Variants in KHDRBS1 observed in about 807,000 individuals in gnomAD.
KHDRBS1 encodes KH RNA binding domain containing, signal transduction associated 1, also known as KH domain-containing, RNA-binding, signal transduction-associated protein 1.
A neutral mutation model predicts 48.4 loss-of-function variants in KHDRBS1; 7 were observed. The observed-to-expected ratio is 0.14, with a 90% CI of 0.08 to 0.27. KHDRBS1 has a LOEUF of 0.27. KHDRBS1 is among the 10% of genes least tolerant of loss of function. The probability of loss-of-function intolerance (pLI) is 1.00; values close to 1 mark genes in which losing one functional copy is unlikely to be tolerated. For synonymous variants in KHDRBS1, 241 were observed against 235.8 expected, an observed-to-expected ratio of 1.02 and a Z score of -0.20; for missense variants, 458 against 601.2, an observed-to-expected ratio of 0.76 and a Z score of 2.49.
At chr1:32,034,566 AAAAT>A (rs903587969) in intron 4 of KHDRBS1, among the ~76,000 whole-genome samples, 11 of 152,248 alleles carry the variant, frequency 7.2e-5, no homozygotes, top group East Asian at 1.9e-4. Flanking sequence ...ATCTCCAAAA[AAAAT>A]AAATAAATAA....
At chr1:32,030,481 G>A (rs1372245431) in intron 2 of KHDRBS1, 59 bp downstream of exon 2, 2 of 1,477,702 alleles carry the variant, frequency 1.4e-6, no homozygotes, top group Admixed American at 4.5e-5. Context: ...GAGAGTCATG[G>A]GCTATAATAA....
chr1:32,051,237 G>A (rs1166938742), intron 10 of KHDRBS1, among the ~76,000 whole-genome samples: 1 of 152,182 alleles, frequency 6.6e-6, no homozygotes, highest in Non-Finnish European at 1.5e-5. Context: ...CATTGTCCCG[G>A]CACCATTTGT....
intron 6 of KHDRBS1, chr1:32,038,258 T>G: frequency 2.8e-6 from 2 of 723,544 alleles, no homozygotes; most frequent in Admixed American, 3.0e-5. Context: ...AAAATGTACT[T>G]TAATGTAGTA....
downstream of KHDRBS1, among the ~76,000 whole-genome samples, chr1:32,046,685 T>C (rs1639362208): frequency 6.6e-6 from 1 of 152,182 alleles, no homozygotes; most frequent in Non-Finnish European, 1.5e-5. Flanking sequence ...TTTTCTCTGC[T>C]CTGAGGTGTT....
intron 4 of KHDRBS1, among the ~76,000 whole-genome samples, chr1:32,034,024 C>T (rs1477747526): frequency 1.3e-5 from 2 of 152,098 alleles, no homozygotes; most frequent in African/African-American, 4.8e-5. Flanking sequence ...ACTATTTTTG[C>T]CTTTTAGCAA....
intron 10 of KHDRBS1, among the ~76,000 whole-genome samples, chr1:32,059,181 A>C (rs1018563712): frequency 2.4e-4 from 36 of 151,248 alleles, no homozygotes; most frequent in African/African-American, 7.5e-4. Context: ...AAAAAAAAAA[A>C]AAACAAAACC....
At chr1:32,045,860 T>G (rs984056431), downstream of KHDRBS1, among the ~76,000 whole-genome samples, 1 of 152,190 alleles carries the variant, frequency 6.6e-6, no homozygotes, top group African/African-American at 2.4e-5. Context: ...CAAACTATGT[T>G]GGGTCTCTTT....
intron 3 of KHDRBS1, 27 bp downstream of exon 3, chr1:32,031,667 G>A (rs1028200894): frequency 2.7e-6 from 4 of 1,463,784 alleles, no homozygotes; most frequent in South Asian, 1.2e-5. Context: ...GAGGCAAGAG[G>A]ACATCCTAAT....
intron 5 of KHDRBS1, 139 bp downstream of exon 5, chr1:32,037,182 A>G (rs1297607542): frequency 2.1e-6 from 2 of 936,364 alleles, no homozygotes; most frequent in African/African-American, 1.7e-5. Flanking sequence ...CTACAACCAT[A>G]CTCTCACACC....
chr1:32,023,467 C>T (rs1018095912), intron 1 of KHDRBS1, among the ~76,000 whole-genome samples: 1 of 152,114 alleles, frequency 6.6e-6, no homozygotes, highest in Non-Finnish European at 1.5e-5. Flanking sequence ...GCATAGAAGG[C>T]ATTGGATAAG....
At chr1:32,026,851 G>C (rs1484623928) in intron 1 of KHDRBS1, among the ~76,000 whole-genome samples, 1 of 152,204 alleles carries the variant, frequency 6.6e-6, no homozygotes, top group Non-Finnish European at 1.5e-5. Flanking sequence ...CTGGAGTGCA[G>C]TGGCGCAATC....
intron 10 of KHDRBS1, among the ~76,000 whole-genome samples, chr1:32,049,889 C>G (rs1211197581): frequency 6.6e-6 from 1 of 151,974 alleles, no homozygotes; most frequent in African/African-American, 2.4e-5. Flanking sequence ...TCTCGATCTC[C>G]TGACCTCATG....
intron 1 of KHDRBS1, among the ~76,000 whole-genome samples, chr1:32,025,125 G>A (rs1249760551): frequency 6.6e-6 from 1 of 151,612 alleles, no homozygotes; most frequent in Non-Finnish European, 1.5e-5. Context: ...AATTAGCCAG[G>A]CATGGTGGCA....
chr1:32,038,427 A>AT, intron 6 of KHDRBS1, 125 bp from the exon 7 acceptor site: 1 of 952,350 alleles, frequency 1.1e-6, no homozygotes. Flanking sequence ...AGGCATTAAC[A>AT]TTTTGGAGGG....
intron 4 of KHDRBS1, 66 bp from the exon 5 acceptor site, chr1:32,036,844 G>C: frequency 6.6e-7 from 1 of 1,518,552 alleles, no homozygotes; most frequent in South Asian, 1.3e-5. Context: ...GTCTCCCGTG[G>C]ACCAGATGAT....
chr1:32,029,871 A>G lies in KHDRBS1; in HGVS notation c.383-427A>G, dbSNP rs551849183. ...CTTAAGGACTAGTATCTAGAGTACT[A>G]ATGTCACCGTGGAACTTTAATGGAA... On this transcript the variant is annotated intron_variant, in intron 1 of 8. Transcript: ENST00000327300. Among the ~76,000 whole-genome samples the G allele has an allele frequency of 1.4e-4, 22 of 152,312 alleles. No homozygotes were observed. The South Asian group carries it at 3.3e-3, about 23-fold the overall frequency.
chr1:32,029,053 A>G (rs1167050630), intron 1 of KHDRBS1, among the ~76,000 whole-genome samples: 1 of 152,214 alleles, frequency 6.6e-6, no homozygotes, highest in Non-Finnish European at 1.5e-5. Context: ...ATAGTGGTTA[A>G]TGATTGTACC....
intron 1 of KHDRBS1, among the ~76,000 whole-genome samples, chr1:32,028,088 A>G (rs188140269): frequency 1.3e-4 from 20 of 152,320 alleles, no homozygotes; most frequent in Admixed American, 3.9e-4. Flanking sequence ...CTGCGCTCCA[A>G]CCTGGGTGAC....
At chr1:32,030,678 A>G (rs551517962) in intron 2 of KHDRBS1, among the ~76,000 whole-genome samples, 23 of 152,314 alleles carry the variant, frequency 1.5e-4, no homozygotes, top group African/African-American at 4.6e-4. Flanking sequence ...TGCTCAGGCT[A>G]CAAGTTCAAA....
Sources: gnomAD v4.1 joint callset for allele counts (sites outside exome capture counted in the v4.1 genomes callset) on GRCh38, gnomAD v4.1.1 for gene constraint, MANE v1.5 for transcripts, NCBI Gene and HGNC (gene_info 2026-07-23, HGNC 2026-07-21) for gene names.